Variants in MGAT5 observed in about 807,000 individuals in gnomAD.
The protein encoded by MGAT5 is alpha-1,6-mannosylglycoprotein 6-beta-N-acetylglucosaminyltransferase A.
In MGAT5, 30 loss-of-function variants were observed where a neutral mutation model predicts 94.3. The ratio of observed to expected loss-of-function variants is 0.32; its 90% CI spans 0.24 to 0.43. MGAT5 has a LOEUF of 0.43. Among genes scored for constraint, MGAT5 ranks in the 20% least tolerant of loss-of-function variants. The pLI, the probability that MGAT5 is intolerant of heterozygous loss-of-function variation, is 1.00. For missense variants in MGAT5, 691 were observed against 905.5 expected, an observed-to-expected ratio of 0.76 and a Z score of 3.04; for synonymous variants, 310 against 322.9, an observed-to-expected ratio of 0.96 and a Z score of 0.43.
In MGAT5 at chr2:134,134,839, C is replaced by A. The variant is rs368309612; in HGVS notation, c.-143+14548C>A. Among the ~76,000 whole-genome samples the A allele has an allele frequency of 1.2e-3, 181 of 152,350 alleles. 1 individual carries two copies. The highest frequency in any genetic ancestry group is 4.1e-3 in the African/African-American group (172 of 41,580). On this transcript the variant is annotated intron_variant, in intron 1 of 16. Transcript: ENST00000409645. ...CTGTTACCCACTAGACAATCATGGA[C>A]AAGCAAAATCTGAACCTAGACCTAA...
chr2:134,220,786 G>C (rs1183536630), intron 1 of MGAT5, among the ~76,000 whole-genome samples: 1 of 152,010 alleles, frequency 6.6e-6, no homozygotes, highest in Non-Finnish European at 1.5e-5. Flanking sequence ...TTATCTTCAC[G>C]TATGTTACTG....
At chr2:134,128,291 A>G (rs1048817112) in intron 1 of MGAT5, among the ~76,000 whole-genome samples, 1 of 152,044 alleles carries the variant, frequency 6.6e-6, no homozygotes, top group Non-Finnish European at 1.5e-5. Flanking sequence ...AAGAAGAAAG[A>G]GGGAGTGATC....
chr2:134,350,587 A>G (rs1298716381), intron 9 of MGAT5, among the ~76,000 whole-genome samples: 2 of 152,048 alleles, frequency 1.3e-5, no homozygotes, highest in Admixed American at 6.6e-5. Context: ...GCTCTTAGAC[A>G]TTTTCTGTTT....
At chr2:134,436,751 C>T (rs1445199606) in intron 14 of MGAT5, among the ~76,000 whole-genome samples, 1 of 152,164 alleles carries the variant, frequency 6.6e-6, no homozygotes, top group Non-Finnish European at 1.5e-5. Flanking sequence ...GGAAAAGGAG[C>T]ATTTATGGAG....
At chr2:134,345,247 A>G (rs1031199502) in intron 8 of MGAT5, among the ~76,000 whole-genome samples, 183 bp downstream of exon 8, 1 of 152,136 alleles carries the variant, frequency 6.6e-6, no homozygotes, top group Non-Finnish European at 1.5e-5. Context: ...CGTTATTTTC[A>G]TTGGTTTCTT....
chr2:134,409,148 T>TA (rs1683505294), intron 11 of MGAT5, among the ~76,000 whole-genome samples: 1 of 152,192 alleles, frequency 6.6e-6, no homozygotes. Flanking sequence ...TGCAGCTGTG[T>TA]GAAGTTGCAT....
chr2:134,371,944 T>TAAA (rs59624970), intron 10 of MGAT5, among the ~76,000 whole-genome samples: 92 of 140,038 alleles, frequency 6.6e-4, no homozygotes, highest in Middle Eastern at 3.7e-3. Context: ...TTGTTTTGTT[T>TAAA]AAAAAAAAAA....
At chr2:134,408,793 T>C (rs1477820578) in intron 11 of MGAT5, among the ~76,000 whole-genome samples, 1 of 152,226 alleles carries the variant, frequency 6.6e-6, no homozygotes, top group African/African-American at 2.4e-5. Context: ...AAAAATTGTT[T>C]TCTTCATACC....
intron 10 of MGAT5, among the ~76,000 whole-genome samples, chr2:134,396,628 T>C (rs1486568697): frequency 6.6e-6 from 1 of 152,222 alleles, no homozygotes; most frequent in East Asian, 1.9e-4. Context: ...AGGTGGAAAG[T>C]GAAGGAATGT....
At chr2:134,369,727 T>TTGTGTGTG (rs10526028) in intron 10 of MGAT5, among the ~76,000 whole-genome samples, 1,822 of 142,236 alleles carry the variant, frequency 0.013, 15 homozygotes, top group South Asian at 0.025. Context: ...GGTTTTTACA[T>TTGTGTGTG]TGTGTGTGTG....
chr2:134,311,766 A>T (rs1006009856), intron 2 of MGAT5, among the ~76,000 whole-genome samples: 1 of 152,168 alleles, frequency 6.6e-6, no homozygotes, highest in East Asian at 1.9e-4. Context: ...TGTTTGTAGT[A>T]AGTGAATGTT....
chr2:134,360,183 A>G (rs1679995454), intron 9 of MGAT5, among the ~76,000 whole-genome samples: 1 of 152,202 alleles, frequency 6.6e-6, no homozygotes, highest in Admixed American at 6.5e-5. Context: ...AACGTAGAAG[A>G]GAGCTTAGAT....
intron 1 of MGAT5, among the ~76,000 whole-genome samples, chr2:134,132,216 G>A (rs1686208067): frequency 6.6e-6 from 1 of 152,132 alleles, no homozygotes; most frequent in Admixed American, 6.5e-5. Flanking sequence ...CAAGAACTTG[G>A]CCATTGTATC....
intron 1 of MGAT5, among the ~76,000 whole-genome samples, chr2:134,228,170 GT>G (rs1681164462): frequency 6.6e-6 from 1 of 152,164 alleles, no homozygotes; most frequent in Non-Finnish European, 1.5e-5. Flanking sequence ...AACAATGTGT[GT>G]TGGTGATGAG....
chr2:134,251,927 G>C (rs1682630012), upstream of MGAT5, among the ~76,000 whole-genome samples: 1 of 152,096 alleles, frequency 6.6e-6, no homozygotes, highest in Admixed American at 6.6e-5. Context: ...GGTAACCACT[G>C]TTCTGTTATC....
At chr2:134,198,134 A>G (rs1679590097) in intron 1 of MGAT5, among the ~76,000 whole-genome samples, 3 of 152,248 alleles carry the variant, frequency 2.0e-5, no homozygotes, top group African/African-American at 7.2e-5. Flanking sequence ...CTGTATAGCC[A>G]AGAAGGGTAG....
chr2:134,315,737 C>T (rs948026301), intron 2 of MGAT5, among the ~76,000 whole-genome samples: 1 of 152,178 alleles, frequency 6.6e-6, no homozygotes, highest in African/African-American at 2.4e-5. Flanking sequence ...GGAGTCATTC[C>T]CATTTTACAG....
chr2:134,446,814 C>A (rs937402688), intron 15 of MGAT5, among the ~76,000 whole-genome samples: 1 of 152,156 alleles, frequency 6.6e-6, no homozygotes, highest in Non-Finnish European at 1.5e-5. Flanking sequence ...GTGCAGGAGG[C>A]GCCGCAGGCT....
chr2:134,365,805 T>G (rs1680393903), intron 10 of MGAT5, among the ~76,000 whole-genome samples: 1 of 152,084 alleles, frequency 6.6e-6, no homozygotes, highest in Admixed American at 6.6e-5. Context: ...ATCAACATAC[T>G]TACTAAAATA....
Sources: gnomAD v4.1 joint callset for allele counts (sites outside exome capture counted in the v4.1 genomes callset) on GRCh38, gnomAD v4.1.1 for gene constraint, MANE v1.5 for transcripts, NCBI Gene and HGNC (gene_info 2026-07-23, HGNC 2026-07-21) for gene names.